The following OTOGL variants were observed in gnomAD, a reference collection of about 807,000 sequenced individuals.
The protein encoded by OTOGL is otogelin like.
OTOGL carries 285 observed loss-of-function variants against 318.5 expected under a neutral mutation model. The observed-to-expected ratio is 0.89, with a 90% CI of 0.81 to 0.99. The LOEUF (loss-of-function observed/expected upper bound fraction) is 0.99. Among genes scored for constraint, OTOGL ranks in the 50% least tolerant of loss-of-function variants. The pLI, the probability that OTOGL is intolerant of heterozygous loss-of-function variation, is 0.00. For missense variants in OTOGL, 2,899 were observed against 2,845.6 expected (o/e 1.02, Z -0.43); for synonymous variants, 987 against 936.5 (o/e 1.05, Z -0.99).
chr12:80,108,049 C>T (rs1036142732), intron 1 of OTOGL, among the ~76,000 whole-genome samples: 22 of 151,988 alleles, frequency 1.4e-4, no homozygotes, highest in South Asian at 2.1e-4. Flanking sequence ...CCCCATGACA[C>T]GCAGTTTACC....
At chr12:80,128,094 CCTTTGGAGGAGGAGAGGAG>C (rs1464968647) in intron 1 of OTOGL, among the ~76,000 whole-genome samples, 22 of 152,136 alleles carry the variant, frequency 1.4e-4, no homozygotes, top group Non-Finnish European at 2.8e-4. Context: ...GACCTGTGTT[CCTTTGGAGGAGGAGAGGAG>C]CTCTGATTTT....
chr12:80,317,984 C>G (rs1025620356), intron 32 of OTOGL, among the ~76,000 whole-genome samples: 7 of 151,964 alleles, frequency 4.6e-5, no homozygotes, highest in Non-Finnish European at 8.8e-5. Context: ...GTGCTGTGTC[C>G]CAGATGATGG....
chr12:80,362,412 A>C (rs1245738843), intron 52 of OTOGL, among the ~76,000 whole-genome samples: 2 of 152,152 alleles, frequency 1.3e-5, no homozygotes, highest in African/African-American at 4.8e-5. Context: ...GTCAGGTAAC[A>C]TGATGCTGCC....
chr12:80,166,012 T>C (rs1873806470), intron 1 of OTOGL, among the ~76,000 whole-genome samples: 1 of 152,214 alleles, frequency 6.6e-6, no homozygotes, highest in Non-Finnish European at 1.5e-5. Flanking sequence ...TAATGTGCTT[T>C]CCTTCTGAGT....
intron 1 of OTOGL, among the ~76,000 whole-genome samples, chr12:80,182,247 C>T (rs562899209): frequency 1.3e-5 from 2 of 152,286 alleles, no homozygotes; most frequent in African/African-American, 4.8e-5. Flanking sequence ...GTTATCAAAA[C>T]TTCCTACTCA....
chr12:80,274,694 T>C (rs1443285643), intron 24 of OTOGL, among the ~76,000 whole-genome samples: 1 of 152,044 alleles, frequency 6.6e-6, no homozygotes, highest in Non-Finnish European at 1.5e-5. Flanking sequence ...AAGACAATGC[T>C]TGGCTTCAAA....
chr12:80,214,696 A>G (rs1248693918), intron 4 of OTOGL, among the ~76,000 whole-genome samples: 2 of 152,158 alleles, frequency 1.3e-5, no homozygotes, highest in Non-Finnish European at 2.9e-5. Flanking sequence ...CATACCAAGG[A>G]CAGTGAGATA....
At chr12:80,126,664 T>C (rs974298238) in intron 1 of OTOGL, among the ~76,000 whole-genome samples, 19 of 152,206 alleles carry the variant, frequency 1.2e-4, no homozygotes, top group Admixed American at 1.2e-3. Flanking sequence ...GTTATTATTG[T>C]GTGGGAGTCT....
Position 80,271,724 on chromosome 12 carries a change from T to C in OTOGL, c.2595T>C (p.Asn865=). 6.2e-7 allele frequency: 1 copy of C among 1,613,098 alleles called. No individual in the cohort carries two copies. Among genetic ancestry groups the C allele is most frequent in the Non-Finnish European group, 8.5e-7 (1 of 1,179,402 alleles). The change falls in exon 24 of 59, where the codon AAT becomes AAC. Residue 865 remains asparagine (N), a synonymous_variant. Transcript: ENST00000547103. ...PDPELPAGGV[N]CETTCANLAM... Reference sequence around the variant, plus strand: ...CTGAATTACCAGCTGGTGGTGTTAATTGTGAGACTACATGTGCAAACCTAG... The same window carrying C: ...CTGAATTACCAGCTGGTGGTGTTAACTGTGAGACTACATGTGCAAACCTAG...
intron 8 of OTOGL, among the ~76,000 whole-genome samples, chr12:80,229,657 T>C (rs1419349965): frequency 6.6e-6 from 1 of 152,112 alleles, no homozygotes; most frequent in Non-Finnish European, 1.5e-5. Context: ...TCTTTTTTTT[T>C]TTCTGAGAGA....
chr12:80,339,344 T>C (rs970334022), intron 43 of OTOGL, 80 bp downstream of exon 43: 19 of 1,201,432 alleles, frequency 1.6e-5, no homozygotes, highest in Non-Finnish European at 2.2e-5. Flanking sequence ...TATGCCATTT[T>C]GGACCCTGTT....
At chr12:80,307,324 A>G (rs1428453604) in intron 29 of OTOGL, among the ~76,000 whole-genome samples, 1 of 151,558 alleles carries the variant, frequency 6.6e-6, no homozygotes, top group Non-Finnish European at 1.5e-5. Context: ...GCTGTTGGGT[A>G]CACCTCCCAG....
Position 80,210,847 on chromosome 12 carries a change from A to G in OTOGL, c.80A>G (p.Glu27Gly), listed in dbSNP as rs1286857535. The change falls in exon 3 of 59, where the codon GAA becomes GGA. Residue 27 changes from glutamate (E) to glycine (G), a missense_variant and splice_region_variant. Around this residue, in one of 3 missense-constraint regions of OTOGL, gnomAD observed 2,607 missense variants for 2,524.9 expected, o/e 1.03. Coordinates refer to ENST00000547103, the MANE Select transcript of OTOGL (RefSeq NM_001378609.3). ...ATTCTTATATATTTGTCTCTGGCAG[A>G]ATATATTTGTGCATCGTCTATATTG... is the stretch of plus-strand genomic sequence containing the variant. ...LLHVLLFSLQ[E>G]YICASSILMG... The G allele has an allele frequency of 6.8e-7, 1 of 1,467,686 alleles. No individual in the cohort carries two copies. Among genetic ancestry groups the G allele is most frequent in the Admixed American group, 2.2e-5 (1 of 46,098 alleles). 90.9% of individuals were successfully genotyped at this position (1,467,686 alleles called of 1,614,324 possible).
chr12:80,357,190 G>A (rs1327705171), intron 49 of OTOGL, among the ~76,000 whole-genome samples: 5 of 151,816 alleles, frequency 3.3e-5, no homozygotes, highest in Admixed American at 1.3e-4. Flanking sequence ...ACCTTTTTTC[G>A]AAGAAAAATT....
At chr12:80,137,266 A>T (rs1871638737) in intron 1 of OTOGL, among the ~76,000 whole-genome samples, 1 of 152,184 alleles carries the variant, frequency 6.6e-6, no homozygotes, top group Admixed American at 6.5e-5. Flanking sequence ...TCGGTAGCAA[A>T]GAAAAAAACC....
At chr12:80,370,785 A>G (rs1040232479) in intron 56 of OTOGL, 96 bp downstream of exon 56, 1 of 914,208 alleles carries the variant, frequency 1.1e-6, no homozygotes, top group African/African-American at 1.7e-5. Context: ...TGTGGCTTAT[A>G]CATAATGGCG....
At chr12:80,234,442 T>C (rs1465392201) in intron 9 of OTOGL, among the ~76,000 whole-genome samples, 2 of 152,204 alleles carry the variant, frequency 1.3e-5, no homozygotes, top group Non-Finnish European at 2.9e-5. Flanking sequence ...TTTTAAAGGA[T>C]GGTGAAAGGA....
chr12:80,292,240 G>A (rs554079625), intron 26 of OTOGL, among the ~76,000 whole-genome samples: 18 of 152,184 alleles, frequency 1.2e-4, no homozygotes, highest in African/African-American at 3.6e-4. Context: ...AGCCTGCCTC[G>A]GCCTCCCAAA....
chr12:80,163,754 G>T (rs1165569494), intron 1 of OTOGL, among the ~76,000 whole-genome samples: 1 of 151,988 alleles, frequency 6.6e-6, no homozygotes, highest in Non-Finnish European at 1.5e-5. Flanking sequence ...GGCCCAGTTG[G>T]GTATGTTTTT....
Sources: allele counts gnomAD v4.1 joint callset (sites outside exome capture counted in the v4.1 genomes callset), GRCh38; gene constraint gnomAD v4.1.1; regional missense constraint gnomAD v4.1.1; transcripts MANE v1.5; gene names NCBI Gene and HGNC (gene_info 2026-07-23, HGNC 2026-07-21).